TCN2: variants seen among roughly 807,000 people sequenced by gnomAD.
TCN2 encodes transcobalamin 2, also known as transcobalamin-2.
Under a neutral mutation model 48.6 loss-of-function variants are expected in TCN2, and 34 were observed. The observed-to-expected ratio is 0.70, with a 90% CI of 0.53 to 0.93. The LOEUF (loss-of-function observed/expected upper bound fraction) is 0.93. Ranked by LOEUF, TCN2 falls within the 40% of genes least tolerant of loss-of-function variation. The probability of loss-of-function intolerance (pLI) is 0.00; values close to 1 mark genes in which losing one functional copy is unlikely to be tolerated. For synonymous variants in TCN2, 283 were observed against 212.5 expected (o/e 1.33, Z -2.89); for missense variants, 652 against 526.1 (o/e 1.24, Z -2.34).
At chr22:30,607,660 T>C (rs1411292977) in intron 1 of TCN2, among the ~76,000 whole-genome samples, 1 of 152,082 alleles carries the variant, frequency 6.6e-6, no homozygotes, top group Middle Eastern at 3.2e-3. Flanking sequence ...GTGTTAGCCT[T>C]TGGGGAACGT....
intron 7 of TCN2, among the ~76,000 whole-genome samples, chr22:30,618,272 GT>G (rs71200085): frequency 0.62 from 91,847 of 147,286 alleles, 29,048 homozygotes; most frequent in African/African-American, 0.77. Flanking sequence ...GGTTTTTTTT[GT>G]TTTTTTTTTT....
intron 7 of TCN2, among the ~76,000 whole-genome samples, chr22:30,622,700 C>T (rs72558389): frequency 2.0e-5 from 3 of 152,222 alleles, no homozygotes; most frequent in African/African-American, 7.2e-5. Flanking sequence ...AACTGCTGAG[C>T]TGATAACATA....
At chr22:30,625,834 A>G (rs1460121857) in intron 8 of TCN2, among the ~76,000 whole-genome samples, 2 of 152,158 alleles carry the variant, frequency 1.3e-5, no homozygotes, top group African/African-American at 4.8e-5. Flanking sequence ...AAAGGCCCTA[A>G]GGCCTCCTGA....
chr22:30,623,306 A>G (rs1345180505), intron 8 of TCN2: 1 of 549,496 alleles, frequency 1.8e-6, no homozygotes, highest in African/African-American at 1.9e-5. Context: ...CAAAAAAAAA[A>G]AAAAACTAGA....
At chr22:30,617,221 G>T in intron 6 of TCN2, 109 bp from the exon 7 acceptor site, 1 of 1,465,840 alleles carries the variant, frequency 6.8e-7, no homozygotes, top group Non-Finnish European at 9.4e-7. Context: ...ATGGAGATGA[G>T]GACATGGGGA....
intron 7 of TCN2, among the ~76,000 whole-genome samples, chr22:30,619,269 G>A (rs1423711003): frequency 6.6e-6 from 1 of 152,108 alleles, no homozygotes; most frequent in African/African-American, 2.4e-5. Flanking sequence ...TTGTAGACAT[G>A]GGATTGCTTC....
At position 30,615,711 on chromosome 22, in the gene TCN2, G is replaced by T; in HGVS notation, c.864G>T (p.Met288Ile). ...ATGGAGCCTTCCAGAATGCTCTCAT[G>T]ATTTCCCAGCTGCTGCCCGTTCTGA... ...LQDGAFQNAL[M>I]ISQLLPVLNH... The change falls in exon 6 of 9, where the codon ATG becomes ATT. Residue 288 changes from methionine to isoleucine, a missense_variant. Coordinates refer to ENST00000215838, the MANE Select transcript of TCN2 (RefSeq NM_000355.4). 2 of 1,614,222 alleles carry T rather than the reference G, an allele frequency of 1.2e-6. No individual in the cohort carries two copies. The highest frequency in any genetic ancestry group is 1.7e-6 in the Non-Finnish European group (2 of 1,180,056).
In TCN2 at chr22:30,623,975, T is replaced by C. The variant is rs879807649; in HGVS notation, c.1222+892T>C. On this transcript the variant is annotated intron_variant, in intron 8 of 8. Coordinates refer to ENST00000215838, the MANE Select transcript of TCN2 (RefSeq NM_000355.4). Reference sequence around the variant, plus strand: ...ATGTATACATATATACACACACATATATATGTATACATATATACACACATA... The same window carrying C: ...ATGTATACATATATACACACACATACATATGTATACATATATACACACATA... 8.4e-3 allele frequency among the ~76,000 whole-genome samples: 130 copies of C among 15,522 alleles called. 3 individuals are homozygous for C. The highest frequency in any genetic ancestry group is 0.015 in the Non-Finnish European group (91 of 6,244). The allele number at this position is 15,522 out of a possible 152,430, so 10.2% of individuals were successfully genotyped here.
At chr22:30,622,863 G>A in intron 7 of TCN2, 105 bp from the exon 8 acceptor site, 1 of 1,213,052 alleles carries the variant, frequency 8.2e-7, no homozygotes, top group Non-Finnish European at 1.2e-6. Context: ...ACGAGTGTCG[G>A]CCCAAAGAGC....
rs1463930163 is a variant in TCN2 at position 30,626,734 on chromosome 22, T to C, written c.*213T>C. On this transcript the variant is annotated 3_prime_UTR_variant, in exon 9 of 9. Transcript: ENST00000215838. ...AGAGCCAAGCATCTTCCCTGGGAAG[T>C]CTTTCTGGCCAAGTCTGGCCAGCCT... 1.6e-6 allele frequency: 1 copy of C among 631,870 alleles called. No homozygotes were observed. The highest frequency in any genetic ancestry group is 1.8e-5 in the African/African-American group (1 of 55,226). The allele number at this position is 631,870 out of a possible 1,614,324, so 39.1% of individuals were successfully genotyped here. A position where few individuals can be genotyped will look rare whatever the true frequency, so the allele number is the denominator to read the frequency against.
In TCN2 at chr22:30,611,023, C is replaced by T. The variant is rs2087531835; in HGVS notation, c.217C>T (p.Leu73=). 1.2e-6 allele frequency: 2 copies of T among 1,614,024 alleles called. No individual in the cohort carries two copies. Among genetic ancestry groups the T allele is most frequent in the South Asian group, 1.1e-5 (1 of 91,090 alleles). Residue 73 remains leucine (L), a synonymous_variant, in exon 2 of 9, where the codon CTG becomes TTG. Transcript: ENST00000215838. ...GGCTGGGACCAAGGAAGACCTCTACCTGCACAGCCTCAAGCTTGGTTACCA... is the reference window on the plus strand; with the variant it reads ...GGCTGGGACCAAGGAAGACCTCTACTTGCACAGCCTCAAGCTTGGTTACCA... ...LQAGTKEDLY[L]HSLKLGYQQC... is the part of the protein sequence containing the mutation.
chr22:30,607,196 G>C lies in TCN2; in HGVS notation c.-136G>C. On this transcript the variant is annotated 5_prime_UTR_variant, in exon 1 of 9. Transcript: ENST00000215838. ...TCTGCAGACTTAGCCGTGCATTGCA[G>C]GCATGGAGGATTAATCAGTGACAGG... is the stretch of plus-strand genomic sequence containing the variant. 1 of 959,948 alleles carries C rather than the reference G, an allele frequency of 1.0e-6. No individual in the cohort carries two copies. The highest frequency in any genetic ancestry group is 1.7e-6 in the Non-Finnish European group (1 of 597,152). 59.5% of individuals were successfully genotyped at this position (959,948 alleles called of 1,614,324 possible). A position where few individuals can be genotyped will look rare whatever the true frequency, so the allele number is the denominator to read the frequency against.
At chr22:30,619,502 C>T (rs527929224) in intron 7 of TCN2, among the ~76,000 whole-genome samples, 51 of 152,342 alleles carry the variant, frequency 3.3e-4, no homozygotes, top group African/African-American at 1.0e-3. Flanking sequence ...TGAGAATGAG[C>T]ATGTCTGGAC....
At chr22:30,623,845 T>C (rs1221841242) in intron 8 of TCN2, among the ~76,000 whole-genome samples, 5 of 71,884 alleles carry the variant, frequency 7.0e-5, no homozygotes, top group East Asian at 3.0e-4. Context: ...TACACACACA[T>C]ACATACACAT....
intron 8 of TCN2, among the ~76,000 whole-genome samples, chr22:30,623,796 A>G: frequency 6.0e-4 from 1 of 1,662 alleles, no homozygotes; most frequent in South Asian, 0.02. Flanking sequence ...ATACATATAT[A>G]CACACATACA....
At chr22:30,610,814 A>G in intron 1 of TCN2, 57 bp from the exon 2 acceptor site, 3 of 1,596,152 alleles carry the variant, frequency 1.9e-6, no homozygotes, top group Non-Finnish European at 2.6e-6. Flanking sequence ...ACGTCAAAGC[A>G]CTTCTTTGCT....
chr22:30,619,883 G>A (rs143124116), intron 7 of TCN2, among the ~76,000 whole-genome samples: 1 of 152,282 alleles, frequency 6.6e-6, no homozygotes, highest in African/African-American at 2.4e-5. Context: ...GCCAGAGCTG[G>A]TGGCTCACTC....
At position 30,626,605 on chromosome 22, in the gene TCN2, C is replaced by G. The variant is rs1385676834; in HGVS notation, c.*84C>G. The G allele has an allele frequency of 1.4e-6, 2 of 1,474,384 alleles. No homozygotes were observed. The highest frequency in any genetic ancestry group is 3.5e-5 in the Admixed American group (2 of 56,392). 91.3% of individuals were successfully genotyped at this position (1,474,384 alleles called of 1,614,324 possible). A position where few individuals can be genotyped will look rare whatever the true frequency, so the allele number is the denominator to read the frequency against. Reference sequence around the variant, plus strand: ...CTGATGTCCCTGGAACAGGAACTCGCCTGACCCTGCTGCCACCTCCTGTGC... The same window carrying G: ...CTGATGTCCCTGGAACAGGAACTCGGCTGACCCTGCTGCCACCTCCTGTGC... On this transcript the variant is annotated 3_prime_UTR_variant, in exon 9 of 9. Transcript: ENST00000215838.
At position 30,617,495 on chromosome 22, in the gene TCN2, C is replaced by G. The variant is rs376218060; in HGVS notation, c.1106C>G (p.Thr369Arg). The G allele has an allele frequency of 1.9e-6, 3 of 1,614,000 alleles. No homozygotes were observed. Among genetic ancestry groups the G allele is most frequent in the East Asian group, 4.5e-5 (2 of 44,886 alleles). ...LKKAHELGGFTYETQASLSGP... is the reference protein window; with the variant it reads ...LKKAHELGGFRYETQASLSGP... ...AAGGCCCATGAGTTAGGAGGATTCA[C>G]GTGAGACTCCCACCTCCCAGTCCTC... Residue 369 changes from threonine (T) to arginine (R), a missense_variant and splice_region_variant, in exon 7 of 9, where the codon ACA (threonine) becomes AGA (arginine). Thr to Arg is a moderately conservative substitution (Grantham distance 71). Transcript: ENST00000215838.
Sources: gnomAD v4.1 joint callset for allele counts (sites outside exome capture counted in the v4.1 genomes callset) on GRCh38, gnomAD v4.1.1 for gene constraint, MANE v1.5 for transcripts, NCBI Gene and HGNC (gene_info 2026-07-23, HGNC 2026-07-21) for gene names.